The following GMDS variants were observed in gnomAD, a reference collection of about 807,000 sequenced individuals.
GMDS encodes the protein GDP-mannose 4,6-dehydratase.
In GMDS, 20 loss-of-function variants were observed where a neutral mutation model predicts 49.9. That is an observed-to-expected ratio of 0.40 (90% CI 0.28 to 0.58). The LOEUF (loss-of-function observed/expected upper bound fraction) is 0.58. Ranked by LOEUF, GMDS falls within the 20% of genes least tolerant of loss-of-function variation. The pLI is 0.42. For synonymous variants in GMDS, 177 were observed against 178.6 expected, an observed-to-expected ratio of 0.99 and a Z score of 0.07; for missense variants, 362 against 481.4, an observed-to-expected ratio of 0.75 and a Z score of 2.32.
chr6:1,717,087 GA>G (rs1766202994), intron 9 of GMDS, among the ~76,000 whole-genome samples: 1 of 152,236 alleles, frequency 6.6e-6, no homozygotes, highest in Non-Finnish European at 1.5e-5. Context: ...CCTGCCAAGA[GA>G]AAATCTCACT....
chr6:2,185,483 G>C (rs530750842), intron 1 of GMDS, among the ~76,000 whole-genome samples: 1 of 152,260 alleles, frequency 6.6e-6, no homozygotes, highest in South Asian at 2.1e-4. Context: ...CAACTCTGAG[G>C]ATCCAACAAT....
chr6:2,188,448 G>C (rs1406083423), intron 1 of GMDS, among the ~76,000 whole-genome samples: 1 of 152,112 alleles, frequency 6.6e-6, no homozygotes, highest in Non-Finnish European at 1.5e-5. Context: ...CTCCCCTTGA[G>C]AGCCAAAGGG....
chr6:2,015,024 G>C (rs1156702573), intron 4 of GMDS, among the ~76,000 whole-genome samples: 2 of 152,082 alleles, frequency 1.3e-5, no homozygotes, highest in African/African-American at 2.4e-5. Flanking sequence ...TAATCCTTAA[G>C]AAGTAAGCAC....
intron 7 of GMDS, among the ~76,000 whole-genome samples, chr6:1,784,688 C>T (rs1199495059): frequency 6.6e-6 from 1 of 152,174 alleles, no homozygotes; most frequent in Non-Finnish European, 1.5e-5. Context: ...CTAGAGACTG[C>T]AGAAAAGAAT....
chr6:1,789,732 G>A (rs965325867), intron 7 of GMDS, among the ~76,000 whole-genome samples: 1 of 151,852 alleles, frequency 6.6e-6, no homozygotes, highest in Non-Finnish European at 1.5e-5. Flanking sequence ...TAGAGATGGG[G>A]TCTCACTATG....
At chr6:2,020,583 C>G (rs903696007) in intron 4 of GMDS, among the ~76,000 whole-genome samples, 1 of 151,804 alleles carries the variant, frequency 6.6e-6, no homozygotes, top group Non-Finnish European at 1.5e-5. Flanking sequence ...TTTAATACAT[C>G]ATGAGAAAAC....
chr6:2,006,309 T>C (rs550738565), intron 4 of GMDS, among the ~76,000 whole-genome samples: 85 of 150,774 alleles, frequency 5.6e-4, no homozygotes, highest in African/African-American at 2.0e-3. Context: ...ATGTCTGTAG[T>C]CCCAGCAACT....
intron 9 of GMDS, among the ~76,000 whole-genome samples, chr6:1,664,485 G>A (rs1271831239): frequency 6.6e-6 from 1 of 152,194 alleles, no homozygotes; most frequent in Non-Finnish European, 1.5e-5. Flanking sequence ...CCTTAGAGAG[G>A]CGTGAGATGA....
At chr6:2,240,726 C>G (rs913307690) in intron 1 of GMDS, among the ~76,000 whole-genome samples, 1 of 152,026 alleles carries the variant, frequency 6.6e-6, no homozygotes, top group Non-Finnish European at 1.5e-5. Flanking sequence ...AAACTAAATG[C>G]TCAGTACTTG....
intron 7 of GMDS, among the ~76,000 whole-genome samples, chr6:1,782,990 C>CA (rs1000774917): frequency 2.0e-5 from 3 of 150,860 alleles, no homozygotes; most frequent in East Asian, 1.9e-4. Context: ...TCCATCTTTA[C>CA]AAAAAAAAAT....
At chr6:2,104,791 T>C (rs1774126882) in intron 4 of GMDS, among the ~76,000 whole-genome samples, 2 of 152,158 alleles carry the variant, frequency 1.3e-5, no homozygotes, top group South Asian at 4.1e-4. Context: ...AAAACAAAAG[T>C]TGAAATTTTA....
rs541578939 is a variant in GMDS, at chr6:2,045,384, A to G, written c.345+70387T>C. On this transcript the variant is annotated intron_variant, in intron 4 of 10. Transcript: ENST00000380815. ...CTTATATTTATTAATTCCTTCCTCT[A>G]TTTTTTCAGGTTCTTTTTTTTTTCC... 1.7e-3 allele frequency among the ~76,000 whole-genome samples: 246 copies of G among 148,030 alleles called. 1 individual carries two copies. The highest frequency in any genetic ancestry group is 5.9e-3 in the African/African-American group (237 of 40,436).
intron 7 of GMDS, among the ~76,000 whole-genome samples, chr6:1,890,478 C>T (rs907320971): frequency 5.3e-5 from 8 of 152,180 alleles, no homozygotes; most frequent in Admixed American, 5.2e-4. Flanking sequence ...ATACTGGCCC[C>T]TTATCAGATA....
chr6:2,190,749 A>T (rs1778976072), intron 1 of GMDS, among the ~76,000 whole-genome samples: 2 of 152,200 alleles, frequency 1.3e-5, no homozygotes, highest in South Asian at 4.1e-4. Flanking sequence ...GAAGGTTCTT[A>T]ACAGTCCTAT....
chr6:2,222,947 T>C (rs1425694081), intron 1 of GMDS, among the ~76,000 whole-genome samples: 1 of 152,038 alleles, frequency 6.6e-6, no homozygotes, highest in Admixed American at 6.5e-5. Flanking sequence ...CTCAAAGACA[T>C]TACCCAGGAG....
chr6:2,097,493 A>G (rs1479692944), intron 4 of GMDS, among the ~76,000 whole-genome samples: 1 of 152,228 alleles, frequency 6.6e-6, no homozygotes, highest in East Asian at 1.9e-4. Context: ...GGCTTTAAAT[A>G]TAAGAGTTTT....
chr6:2,134,707 C>T lies in GMDS; in HGVS notation c.103-9976G>A, dbSNP rs183137161. 5.3e-5 allele frequency among the ~76,000 whole-genome samples: 8 copies of T among 152,200 alleles called. No individual in the cohort carries two copies. In the East Asian group the frequency reaches 1.5e-3, roughly 29 times the overall value. On this transcript the variant is annotated intron_variant, in intron 1 of 10. Transcript: ENST00000380815. ...TCCTAATATTTATGATATATCTTGGCTATTTGACAGTAGATTTGAGTCATA... is the reference window on the plus strand; with the variant it reads ...TCCTAATATTTATGATATATCTTGGTTATTTGACAGTAGATTTGAGTCATA...
At chr6:1,658,204 G>T (rs1339847737) in intron 9 of GMDS, among the ~76,000 whole-genome samples, 1 of 152,202 alleles carries the variant, frequency 6.6e-6, no homozygotes, top group Admixed American at 6.5e-5. Flanking sequence ...CCTACTGAAG[G>T]TGTCCACAGC....
At chr6:2,053,924 C>T (rs1434769577) in intron 4 of GMDS, among the ~76,000 whole-genome samples, 1 of 151,998 alleles carries the variant, frequency 6.6e-6, no homozygotes, top group Non-Finnish European at 1.5e-5. Context: ...ATTACATACA[C>T]AATTATATAA....
Sources: gnomAD v4.1 joint callset for allele counts (sites outside exome capture counted in the v4.1 genomes callset) on GRCh38, gnomAD v4.1.1 for gene constraint, MANE v1.5 for transcripts, NCBI Gene and HGNC (gene_info 2026-07-23, HGNC 2026-07-21) for gene names.